The following CD99 variants were observed in gnomAD, a reference collection of about 807,000 sequenced individuals.
The protein encoded by CD99 is CD99 molecule (Xg blood group), also known as CD99 antigen.
Under a neutral mutation model 28.4 loss-of-function variants are expected in CD99, and 19 were observed. That is an observed-to-expected ratio of 0.67 (90% CI 0.47 to 0.98). The LOEUF is 0.98. Ranked by LOEUF, CD99 falls within the 50% of genes least tolerant of loss-of-function variation. CD99 has a pLI of 0.00. For synonymous variants in CD99, 103 were observed against 92.1 expected, an observed-to-expected ratio of 1.12 and a Z score of -0.67; for missense variants, 283 against 248.8, an observed-to-expected ratio of 1.14 and a Z score of -0.92.
At chrX:2,691,712 C>A in intron 1 of CD99, 1 of 706,998 alleles carries the variant, frequency 1.4e-6, no homozygotes, top group South Asian at 1.5e-5. Flanking sequence ...CCGATTTTTC[C>A]CAATCTAGGG....
chrX:2,733,060 C>CTG (rs1393092380), intron 8 of CD99, among the ~76,000 whole-genome samples: 3 of 84,942 alleles, frequency 3.5e-5, no homozygotes, highest in Non-Finnish European at 7.6e-5. Context: ...CGTTCCTTCC[C>CTG]TCTTTCTGCC....
intron 1 of CD99, among the ~76,000 whole-genome samples, chrX:2,696,656 G>T (rs1469723248): frequency 6.6e-6 from 1 of 152,132 alleles, no homozygotes; most frequent in Non-Finnish European, 1.5e-5. Context: ...GCCCGCCTCG[G>T]CCTCCTAAAG....
At chrX:2,713,074 T>G (rs185900741) in intron 1 of CD99, among the ~76,000 whole-genome samples, 1 of 150,338 alleles carries the variant, frequency 6.7e-6, no homozygotes, top group Non-Finnish European at 1.5e-5. Context: ...ATAAACATAT[T>G]GACACATGCA....
chrX:2,718,560 G>C (rs1474600828), intron 3 of CD99, among the ~76,000 whole-genome samples: 1 of 151,794 alleles, frequency 6.6e-6, no homozygotes, highest in Non-Finnish European at 1.5e-5. Context: ...TAGTAGAGAC[G>C]GGGTTTCACC....
chrX:2,740,924 T>C lies in CD99; in HGVS notation c.*120T>C, dbSNP rs1406867152. 5.4e-6 allele frequency: 6 copies of C among 1,102,994 alleles called. No homozygotes were observed. In the East Asian group the frequency reaches 1.4e-4, roughly 26 times the overall value. The allele number at this position is 1,102,994 out of a possible 1,614,324, so 68.3% of individuals were successfully genotyped here. On this transcript the variant is annotated 3_prime_UTR_variant, in exon 10 of 10. Coordinates refer to ENST00000381192, the MANE Select transcript of CD99 (RefSeq NM_002414.5). ...TGGAGGCCTTCTGTTCACGGCGGAT[T>C]CTTTGTTTTAATCTTGCGATGTGCT...
intron 5 of CD99, among the ~76,000 whole-genome samples, chrX:2,721,578 G>A (rs1357991644): frequency 4.6e-5 from 7 of 152,086 alleles, no homozygotes; most frequent in African/African-American, 9.7e-5. Context: ...TTACAGGCAC[G>A]AGTCACCTCA....
intron 1 of CD99, chrX:2,691,704 G>A (rs771940502): frequency 8.5e-6 from 6 of 704,994 alleles, no homozygotes; most frequent in South Asian, 3.0e-5. Context: ...AGGTGCGTCC[G>A]ATTTTTCCCA....
chrX:2,709,144 C>T (rs2048258363), intron 1 of CD99, among the ~76,000 whole-genome samples: 1 of 137,064 alleles, frequency 7.3e-6, no homozygotes, highest in Non-Finnish European at 1.7e-5. Context: ...GGGGAGGTGG[C>T]AGGCCATGGA....
chrX:2,700,638 A>G (rs1411833468), intron 1 of CD99, among the ~76,000 whole-genome samples: 2 of 150,372 alleles, frequency 1.3e-5, no homozygotes, highest in East Asian at 2.0e-4. Flanking sequence ...CCATCCATCC[A>G]TTCTCCATTC....
In CD99 at chrX:2,718,351, G is replaced by A. The variant is rs753232084; in HGVS notation, c.148+699G>A. ...GGCACACACCTCATTTGTTCTCAGT[G>A]CTTGCTGTTCTTTCTTTCTTTTTTT... On this transcript the variant is annotated intron_variant, in intron 3 of 9. Transcript: ENST00000381192. Among the ~76,000 whole-genome samples the A allele has an allele frequency of 3.1e-3, 466 of 151,284 alleles. 2 individuals are homozygous for A. The highest frequency in any genetic ancestry group is 0.011 in the African/African-American group (450 of 41,266).
At chrX:2,723,600 C>T (rs1312082742) in intron 7 of CD99, among the ~76,000 whole-genome samples, 10 of 152,176 alleles carry the variant, frequency 6.6e-5, no homozygotes, top group East Asian at 1.9e-4. Flanking sequence ...CACCTGCCCA[C>T]GATGCCCTGG....
At chrX:2,693,586 A>G (rs1384126212) in intron 1 of CD99, among the ~76,000 whole-genome samples, 1 of 152,172 alleles carries the variant, frequency 6.6e-6, no homozygotes, top group Non-Finnish European at 1.5e-5. Context: ...ACACTTTCTT[A>G]TAGCAACGTG....
chrX:2,706,816 T>A (rs184469530), intron 1 of CD99, among the ~76,000 whole-genome samples: 264 of 152,164 alleles, frequency 1.7e-3, no homozygotes, highest in East Asian at 7.8e-3. Flanking sequence ...TAATTTTTTT[T>A]AATTAATTAA....
At chrX:2,704,140 G>T (rs1415345542) in intron 1 of CD99, among the ~76,000 whole-genome samples, 15 of 152,186 alleles carry the variant, frequency 9.9e-5, no homozygotes, top group Non-Finnish European at 2.1e-4. Flanking sequence ...AGAACTGCCG[G>T]TGTGAGGCGT....
chrX:2,740,244 G>A (rs1287306579), intron 9 of CD99, among the ~76,000 whole-genome samples: 2 of 152,186 alleles, frequency 1.3e-5, no homozygotes, highest in African/African-American at 2.4e-5. Context: ...TCATTAGCCA[G>A]TACATTGGTA....
At chrX:2,726,616 C>T (rs1409082764) in intron 8 of CD99, among the ~76,000 whole-genome samples, 2 of 152,132 alleles carry the variant, frequency 1.3e-5, no homozygotes, top group East Asian at 1.9e-4. Context: ...GGGTTGTTTA[C>T]GTCTACCAAG....
intron 2 of CD99, among the ~76,000 whole-genome samples, chrX:2,715,828 G>A (rs746446800): frequency 6.6e-6 from 1 of 152,154 alleles, no homozygotes; most frequent in African/African-American, 2.4e-5. Context: ...TCTCTTCCCT[G>A]TGTCTCCATG....
intron 8 of CD99, among the ~76,000 whole-genome samples, chrX:2,729,293 G>A (rs1216927079): frequency 6.6e-6 from 1 of 152,100 alleles, no homozygotes; most frequent in Non-Finnish European, 1.5e-5. Context: ...GGAACTTTTG[G>A]GATCTTGTAA....
Position 2,726,278 on chromosome X carries a change from T to A in CD99, c.380T>A (p.Ile127Asn). Residue 127 changes from isoleucine (I) to asparagine (N), a missense_variant, in exon 8 of 10, where the codon ATC (isoleucine) becomes AAC (asparagine). By Grantham distance (149) the Ile-to-Asn change is moderately radical (BLOSUM62 -3). Transcript: ENST00000381192. Reference protein sequence around the residue: ...EGEEADAPGVIPGIVGAVVVA... With the variant: ...EGEEADAPGVNPGIVGAVVVA... Reference sequence around the variant, plus strand: ...CCTGCAGCCGACGCCCCAGGCGTGATCCCCGGGATTGTGGGGGCTGTCGTG... The same window carrying A: ...CCTGCAGCCGACGCCCCAGGCGTGAACCCCGGGATTGTGGGGGCTGTCGTG... 1 of 1,610,406 alleles carries A rather than the reference T, an allele frequency of 6.2e-7. No individual in the cohort carries two copies. The highest frequency in any genetic ancestry group is 8.5e-7 in the Non-Finnish European group (1 of 1,178,216).
Sources: gnomAD v4.1 joint callset for allele counts (sites outside exome capture counted in the v4.1 genomes callset) on GRCh38, gnomAD v4.1.1 for gene constraint, MANE v1.5 for transcripts, NCBI Gene and HGNC (gene_info 2026-07-23, HGNC 2026-07-21) for gene names.